Variants in AP3B1 observed in about 807,000 individuals in gnomAD.
AP3B1 encodes the protein AP-3 complex subunit beta-1.
AP3B1 carries 61 observed loss-of-function variants against 132.5 expected under a neutral mutation model. The ratio of observed to expected loss-of-function variants is 0.46; its 90% CI spans 0.37 to 0.57. The LOEUF is 0.57. Among genes scored for constraint, AP3B1 ranks in the 20% least tolerant of loss-of-function variants. AP3B1 has a pLI of 0.00. For synonymous variants in AP3B1, 388 were observed against 438.3 expected (o/e 0.89, Z 1.43); for missense variants, 1,120 against 1,289.4 (o/e 0.87, Z 2.01).
intron 6 of AP3B1, among the ~76,000 whole-genome samples, chr5:78,223,027 CT>C (rs1554077324): frequency 6.2e-4 from 79 of 127,730 alleles, no homozygotes; most frequent in Non-Finnish European, 8.1e-4. Flanking sequence ...TTGTTTGTTT[CT>C]TTTTTTTTTT....
intron 24 of AP3B1, among the ~76,000 whole-genome samples, chr5:78,024,208 A>T (rs1456623366): frequency 6.6e-6 from 1 of 152,148 alleles, no homozygotes; most frequent in East Asian, 1.9e-4. Flanking sequence ...GACTAGAAGA[A>T]GATGTATGTA....
At chr5:78,102,227 C>T (rs772142662) in intron 20 of AP3B1, among the ~76,000 whole-genome samples, 2 of 152,112 alleles carry the variant, frequency 1.3e-5, no homozygotes, top group African/African-American at 4.8e-5. Flanking sequence ...GCTCCTACAA[C>T]AGTGCACATA....
intron 1 of AP3B1, among the ~76,000 whole-genome samples, chr5:78,268,814 G>A (rs1313878011): frequency 6.6e-6 from 1 of 152,130 alleles, no homozygotes; most frequent in East Asian, 1.9e-4. Flanking sequence ...CATTAATATA[G>A]GAAGAGAAAC....
intron 6 of AP3B1, among the ~76,000 whole-genome samples, chr5:78,224,873 T>C (rs1003362168): frequency 2.6e-5 from 4 of 152,038 alleles, no homozygotes; most frequent in Non-Finnish European, 5.9e-5. Flanking sequence ...TAAAGAGACT[T>C]CAATACCCTG....
chr5:78,241,110 A>C (rs1747116099), intron 2 of AP3B1, among the ~76,000 whole-genome samples, 174 bp from the exon 3 acceptor site: 1 of 152,182 alleles, frequency 6.6e-6, no homozygotes, highest in African/African-American at 2.4e-5. Flanking sequence ...TAAATACACA[A>C]ATACATAGAC....
chr5:78,061,984 C>A, intron 22 of AP3B1, among the ~76,000 whole-genome samples: 1 of 152,198 alleles, frequency 6.6e-6, no homozygotes, highest in East Asian at 1.9e-4. Context: ...TCCTTTTTGT[C>A]AAATGACCTG....
intron 14 of AP3B1, among the ~76,000 whole-genome samples, chr5:78,155,006 T>C (rs1226275292): frequency 6.6e-6 from 1 of 152,212 alleles, no homozygotes; most frequent in Non-Finnish European, 1.5e-5. Flanking sequence ...ATGGTCTTGA[T>C]GCTTACAGAT....
At chr5:78,023,032 G>C (rs1245348679) in intron 24 of AP3B1, among the ~76,000 whole-genome samples, 1 of 152,094 alleles carries the variant, frequency 6.6e-6, no homozygotes, top group African/African-American at 2.4e-5. Context: ...GCTTCCCCAG[G>C]GTGGGTAGCA....
chr5:78,094,815 G>A (rs1750704805), intron 21 of AP3B1, among the ~76,000 whole-genome samples: 1 of 151,956 alleles, frequency 6.6e-6, no homozygotes, highest in South Asian at 2.1e-4. Context: ...CGAGTAACTG[G>A]GATTACAGGT....
rs138751237 is a variant in AP3B1, at chr5:78,128,153, A to G, written c.1845T>C (p.Asp615=). ...GAGATAAGGTGCCAAGCTGGAAATG[A>G]TCTCTATCTATTAAAAATAGGGAAA... The part of the protein sequence containing the change: ...PLLESPFKDR[D]HFQLGTLSHT... The change falls in exon 17 of 27, where the codon GAT becomes GAC. Residue 615 remains aspartate, a synonymous_variant. Transcript: ENST00000255194. 6.2e-7 allele frequency: 1 copy of G among 1,602,670 alleles called. No individual in the cohort carries two copies. Among genetic ancestry groups the G allele is most frequent in the Non-Finnish European group, 8.5e-7 (1 of 1,170,224 alleles).
intron 6 of AP3B1, 106 bp from the exon 7 acceptor site, chr5:78,216,343 T>C: frequency 2.0e-6 from 2 of 1,013,764 alleles, no homozygotes; most frequent in South Asian, 2.8e-5. Flanking sequence ...AGTATTAAAG[T>C]ATTCAGTCAT....
intron 7 of AP3B1, among the ~76,000 whole-genome samples, chr5:78,183,079 G>C (rs780222071): frequency 2.0e-5 from 3 of 152,214 alleles, no homozygotes; most frequent in Non-Finnish European, 4.4e-5. Context: ...GTGGTTGTCA[G>C]GGAAGGACAC....
At chr5:78,081,652 T>C (rs1750013720) in intron 22 of AP3B1, among the ~76,000 whole-genome samples, 1 of 152,086 alleles carries the variant, frequency 6.6e-6, no homozygotes, top group African/African-American at 2.4e-5. Context: ...TTGGTTGTAT[T>C]AAAGAGGTAT....
At chr5:78,279,266 C>T (rs551449045) in intron 1 of AP3B1, among the ~76,000 whole-genome samples, 14 of 152,220 alleles carry the variant, frequency 9.2e-5, no homozygotes, top group African/African-American at 2.6e-4. Flanking sequence ...GCTAACATGT[C>T]GTGTTTATAA....
chr5:78,212,752 C>G (rs1202006083), intron 7 of AP3B1, among the ~76,000 whole-genome samples: 1 of 152,154 alleles, frequency 6.6e-6, no homozygotes, highest in Non-Finnish European at 1.5e-5. Flanking sequence ...CTTAACCTTT[C>G]TTTACTACAT....
intron 2 of AP3B1, among the ~76,000 whole-genome samples, chr5:78,252,255 T>C (rs1245775098): frequency 4.6e-5 from 7 of 151,996 alleles, no homozygotes; most frequent in Non-Finnish European, 8.8e-5. Context: ...CTCAGCACAT[T>C]CCCAGCTGTG....
At position 78,263,959 on chromosome 5, in the gene AP3B1, A is replaced by G. The variant is rs149308049; in HGVS notation, c.204+3561T>C. Among the ~76,000 whole-genome samples, 532 of 152,302 alleles carry G rather than the reference A, an allele frequency of 3.5e-3. 3 individuals carry two copies. Among genetic ancestry groups the G allele is most frequent in the Middle Eastern group, 0.01 (3 of 294 alleles). On this transcript the variant is annotated intron_variant, in intron 2 of 26. Transcript: ENST00000255194. Reference sequence around the variant, plus strand: ...CACAAATACTTACCATTGTGTTACAACTGCCTACAGTATTCAGTACAGTAA... The same window carrying G: ...CACAAATACTTACCATTGTGTTACAGCTGCCTACAGTATTCAGTACAGTAA...
intron 24 of AP3B1, among the ~76,000 whole-genome samples, chr5:78,033,591 T>C (rs1334608909): frequency 6.6e-6 from 1 of 152,046 alleles, no homozygotes; most frequent in Non-Finnish European, 1.5e-5. Flanking sequence ...GTCTCAATTC[T>C]TTTTAGAATA....
chr5:78,052,431 A>G (rs953529803), intron 22 of AP3B1, among the ~76,000 whole-genome samples: 2 of 152,160 alleles, frequency 1.3e-5, no homozygotes, highest in Non-Finnish European at 2.9e-5. Flanking sequence ...TGACTTTCAC[A>G]TTTCTAAATG....
Sources: gnomAD v4.1 joint callset for allele counts (sites outside exome capture counted in the v4.1 genomes callset) on GRCh38, gnomAD v4.1.1 for gene constraint, MANE v1.5 for transcripts, NCBI Gene and HGNC (gene_info 2026-07-23, HGNC 2026-07-21) for gene names.